The following FNDC3B variants were observed in gnomAD, a reference collection of about 807,000 sequenced individuals.
FNDC3B encodes fibronectin type III domain containing 3B, also known as fibronectin type III domain-containing protein 3B.
Under a neutral mutation model 151.5 loss-of-function variants are expected in FNDC3B, and 12 were observed. The observed-to-expected ratio is 0.08, with a 90% CI of 0.05 to 0.13. The LOEUF (loss-of-function observed/expected upper bound fraction) is 0.13. FNDC3B is among the 10% of genes least tolerant of loss of function. The pLI, the probability that FNDC3B is intolerant of heterozygous loss-of-function variation, is 1.00. For synonymous variants in FNDC3B, 528 were observed against 549.0 expected (o/e 0.96, Z 0.54); for missense variants, 1,214 against 1,505.3 (o/e 0.81, Z 3.20).
At position 172,367,100 on chromosome 3, in the gene FNDC3B, C is replaced by T. The variant is rs191284866; in HGVS notation, c.3008+4255C>T. On this transcript the variant is annotated intron_variant, in intron 23 of 25. Transcript: ENST00000415807. ...TGCTATGTTGAAAGGATTCTACCCC[C>T]CTGGGATAGGACATTTGTTTCCCAT... Among the ~76,000 whole-genome samples the T allele has an allele frequency of 2.2e-3, 338 of 152,262 alleles. 1 individual carries two copies. The highest frequency in any genetic ancestry group is 7.9e-3 in the African/African-American group (327 of 41,544).
intron 22 of FNDC3B, among the ~76,000 whole-genome samples, chr3:172,355,207 C>G (rs1020744382): frequency 1.3e-5 from 2 of 152,178 alleles, no homozygotes; most frequent in Non-Finnish European, 2.9e-5. Context: ...CTGTGTGCTT[C>G]CAGCCAAGTA....
At chr3:172,364,636 G>A (rs1437379018) in intron 23 of FNDC3B, among the ~76,000 whole-genome samples, 2 of 152,214 alleles carry the variant, frequency 1.3e-5, no homozygotes, top group African/African-American at 4.8e-5. Context: ...CCATGACACG[G>A]TGGCTCCTGG....
In FNDC3B at chr3:172,398,991, TC is replaced by T. The variant is rs1005336345; in HGVS notation, c.*1521del. On this transcript the variant is annotated 3_prime_UTR_variant, in exon 26 of 26. Transcript: ENST00000415807. ...AAAAGGGTGCAACAGACACAGTGTA[TC>T]CCCCTGCTTCTGTTTTTGTATATTT... 2 of 152,606 alleles carry T rather than the reference TC, an allele frequency of 1.3e-5. No individual in the cohort carries two copies. The highest frequency in any genetic ancestry group is 6.5e-5 in the Admixed American group (1 of 15,276). 9.5% of individuals were successfully genotyped at this position (152,606 alleles called of 1,614,324 possible). A position where few individuals can be genotyped will look rare whatever the true frequency, so the allele number is the denominator to read the frequency against.
intron 1 of FNDC3B, among the ~76,000 whole-genome samples, chr3:172,091,952 T>C (rs1238326692): frequency 6.8e-6 from 1 of 147,882 alleles, no homozygotes; most frequent in African/African-American, 2.5e-5. Context: ...CAGATGGCTT[T>C]AGATTGCCTC....
intron 10 of FNDC3B, among the ~76,000 whole-genome samples, chr3:172,310,383 T>C (rs1731407883): frequency 6.6e-6 from 1 of 152,192 alleles, no homozygotes; most frequent in Non-Finnish European, 1.5e-5. Context: ...TAATCTTAAG[T>C]ACTTTTAAAA....
chr3:172,378,142 TATTA>T (rs1735247714), intron 23 of FNDC3B, 124 bp from the exon 24 acceptor site: 1 of 671,862 alleles, frequency 1.5e-6, no homozygotes, highest in Admixed American at 3.4e-5. Flanking sequence ...ACTGGCTGAT[TATTA>T]ATTCAGAATG....
At chr3:172,307,254 C>A in intron 9 of FNDC3B, 109 bp from the exon 10 acceptor site, 1 of 1,131,548 alleles carries the variant, frequency 8.8e-7, no homozygotes, top group Non-Finnish European at 1.3e-6. Context: ...GATACTCACT[C>A]CGTAAGAAAT....
chr3:172,162,382 A>G (rs1393550085), intron 3 of FNDC3B, among the ~76,000 whole-genome samples: 1 of 152,212 alleles, frequency 6.6e-6, no homozygotes, highest in Non-Finnish European at 1.5e-5. Context: ...GTATTAATCC[A>G]TTCATCAACT....
intron 1 of FNDC3B, among the ~76,000 whole-genome samples, chr3:172,058,053 G>A (rs908042001): frequency 6.6e-6 from 1 of 152,150 alleles, no homozygotes. Context: ...GGATTTACGT[G>A]CAAGTTAGGT....
At chr3:172,314,210 C>T (rs1731665475) in intron 11 of FNDC3B, among the ~76,000 whole-genome samples, 1 of 152,086 alleles carries the variant, frequency 6.6e-6, no homozygotes, top group African/African-American at 2.4e-5. Context: ...CCTCCCCTCT[C>T]TAAGAGCCAC....
At chr3:172,204,136 T>C (rs979098043) in intron 3 of FNDC3B, among the ~76,000 whole-genome samples, 1 of 152,218 alleles carries the variant, frequency 6.6e-6, no homozygotes, top group South Asian at 2.1e-4. Flanking sequence ...CCATCATGCC[T>C]TGAATGGATC....
At chr3:172,045,047 G>GATTAAT (rs1560380084) in intron 1 of FNDC3B, among the ~76,000 whole-genome samples, 1 of 152,224 alleles carries the variant, frequency 6.6e-6, no homozygotes. Context: ...GGTGTCACAA[G>GATTAAT]GGATTAATGA....
At chr3:172,152,177 CT>C (rs1247553292) in intron 3 of FNDC3B, among the ~76,000 whole-genome samples, 2 of 152,194 alleles carry the variant, frequency 1.3e-5, no homozygotes, top group Non-Finnish European at 2.9e-5. Flanking sequence ...GCCAATTCCT[CT>C]TCACAAAAAT....
chr3:172,229,341 C>CAA (rs1726768508), intron 4 of FNDC3B, among the ~76,000 whole-genome samples: 1 of 152,170 alleles, frequency 6.6e-6, no homozygotes, highest in Non-Finnish European at 1.5e-5. Context: ...ACCCTGCTTA[C>CAA]CTCTCAAGAG....
chr3:172,139,273 G>A (rs1214730367), intron 3 of FNDC3B, among the ~76,000 whole-genome samples: 1 of 152,096 alleles, frequency 6.6e-6, no homozygotes, highest in East Asian at 1.9e-4. Flanking sequence ...TTTATGACAG[G>A]TCCTAGGGAA....
chr3:172,209,846 C>T (rs1448677101), intron 3 of FNDC3B, among the ~76,000 whole-genome samples: 1 of 152,276 alleles, frequency 6.6e-6, no homozygotes, highest in Non-Finnish European at 1.5e-5. Flanking sequence ...GAACTGCCCT[C>T]AGCCCCTTGG....
chr3:172,302,746 AG>A (rs1391247285), intron 9 of FNDC3B: 1 of 152,198 alleles, frequency 6.6e-6, no homozygotes, highest in Non-Finnish European at 1.5e-5. Context: ...AATATTTCAA[AG>A]GAATCCATTT....
At chr3:172,059,114 G>A (rs1232160394) in intron 1 of FNDC3B, among the ~76,000 whole-genome samples, 5 of 152,158 alleles carry the variant, frequency 3.3e-5, no homozygotes, top group South Asian at 2.1e-4. Flanking sequence ...ACAGGAAGCA[G>A]CAAAGCATGG....
intron 25 of FNDC3B, among the ~76,000 whole-genome samples, chr3:172,396,877 A>C (rs370914841): frequency 6.6e-6 from 1 of 152,178 alleles, no homozygotes; most frequent in Non-Finnish European, 1.5e-5. Context: ...ATTTAGTGAG[A>C]TGCATCCTTA....
Sources: allele counts gnomAD v4.1 joint callset (sites outside exome capture counted in the v4.1 genomes callset), GRCh38; gene constraint gnomAD v4.1.1; transcripts MANE v1.5; gene names NCBI Gene and HGNC (gene_info 2026-07-23, HGNC 2026-07-21).